Variants in APP observed in about 807,000 individuals in gnomAD.
APP encodes amyloid-beta precursor protein.
APP carries 31 observed loss-of-function variants against 101.4 expected under a neutral mutation model. The observed-to-expected ratio is 0.31, with a 90% CI of 0.23 to 0.41. The LOEUF (loss-of-function observed/expected upper bound fraction) is 0.41. Ranked by LOEUF, APP falls within the 10% of genes least tolerant of loss-of-function variation. APP has a pLI of 1.00. For synonymous variants in APP, 366 were observed against 364.4 expected (o/e 1.00, Z -0.05); for missense variants, 839 against 1,003.7 (o/e 0.84, Z 2.22).
chr21:26,061,218 G>A (rs1252726741), intron 3 of APP, among the ~76,000 whole-genome samples: 1 of 152,174 alleles, frequency 6.6e-6, no homozygotes, highest in Non-Finnish European at 1.5e-5. Context: ...CCAACAGCTA[G>A]AAGATGCTTT....
chr21:26,062,647 G>C (rs958204722), intron 3 of APP, among the ~76,000 whole-genome samples: 1 of 115,370 alleles, frequency 8.7e-6, no homozygotes, highest in African/African-American at 3.4e-5. Context: ...GGGTGACAGA[G>C]GGAGACTCTG....
chr21:26,131,054 A>G (rs1183067567), intron 1 of APP, among the ~76,000 whole-genome samples: 1 of 151,822 alleles, frequency 6.6e-6, no homozygotes, highest in South Asian at 2.1e-4. Flanking sequence ...ACATGGAGAA[A>G]CCCCTTCTCT....
At chr21:25,910,248 C>A (rs540943336) in intron 14 of APP, among the ~76,000 whole-genome samples, 2 of 151,972 alleles carry the variant, frequency 1.3e-5, no homozygotes, top group Non-Finnish European at 2.9e-5. Context: ...CTGCCTCAGC[C>A]TCCCGAGTAG....
intron 2 of APP, among the ~76,000 whole-genome samples, chr21:26,099,382 G>A (rs918465162): frequency 1.3e-5 from 2 of 152,132 alleles, no homozygotes; most frequent in Non-Finnish European, 2.9e-5. Flanking sequence ...ATAACTGAGG[G>A]TTTCCTAAGT....
intron 9 of APP, among the ~76,000 whole-genome samples, chr21:25,980,095 C>T (rs1241538499): frequency 6.6e-6 from 1 of 152,054 alleles, no homozygotes; most frequent in Non-Finnish European, 1.5e-5. Flanking sequence ...CAAAGGGAAG[C>T]CCAAGATGAG....
At chr21:26,015,784 A>AGG (rs2044028158) in intron 6 of APP, among the ~76,000 whole-genome samples, 1 of 19,456 alleles carries the variant, frequency 5.1e-5, no homozygotes, top group Admixed American at 7.5e-4. Flanking sequence ...AGTGAGAATC[A>AGG]GGGGTTAGCA....
At chr21:26,084,866 TA>T (rs2061672537) in intron 3 of APP, among the ~76,000 whole-genome samples, 1 of 152,220 alleles carries the variant, frequency 6.6e-6, no homozygotes, top group Admixed American at 6.5e-5. Context: ...ATAAAGCTCA[TA>T]AAGTACAACT....
chr21:26,127,722 C>T (rs180920898), intron 1 of APP, among the ~76,000 whole-genome samples: 44 of 152,272 alleles, frequency 2.9e-4, no homozygotes, highest in African/African-American at 8.4e-4. Flanking sequence ...GTTAACTTTA[C>T]CTCTTGATTT....
intron 1 of APP, among the ~76,000 whole-genome samples, chr21:26,133,935 TG>T (rs1279865805): frequency 6.6e-6 from 1 of 152,216 alleles, no homozygotes; most frequent in East Asian, 1.9e-4. Flanking sequence ...GAACTTAACT[TG>T]GTTGTGACTT....
chr21:25,994,737 GGCTT>G (rs1323993839), intron 8 of APP, among the ~76,000 whole-genome samples: 1 of 152,204 alleles, frequency 6.6e-6, no homozygotes, highest in Non-Finnish European at 1.5e-5. Context: ...CAGTCTAACA[GGCTT>G]GCTTACCTTC....
At chr21:26,092,745 T>C (rs948399843) in intron 2 of APP, among the ~76,000 whole-genome samples, 2 of 152,206 alleles carry the variant, frequency 1.3e-5, no homozygotes, top group African/African-American at 4.8e-5. Context: ...CTGTGGGGGA[T>C]GTTTATAATA....
At chr21:25,912,294 CAGTT>C (rs767228073) in intron 13 of APP, among the ~76,000 whole-genome samples, 13 of 152,278 alleles carry the variant, frequency 8.5e-5, no homozygotes, top group Non-Finnish European at 1.3e-4. Context: ...CCTCCTGACA[CAGTT>C]AGACGTCCCT....
chr21:25,896,675 T>G (rs999919633), intron 16 of APP, among the ~76,000 whole-genome samples: 4 of 152,210 alleles, frequency 2.6e-5, no homozygotes, highest in African/African-American at 4.8e-5. Context: ...AAAGGAGATG[T>G]GGCTTTTTGA....
chr21:26,127,352 A>C (rs939820977), intron 1 of APP, among the ~76,000 whole-genome samples: 1 of 152,222 alleles, frequency 6.6e-6, no homozygotes, highest in Non-Finnish European at 1.5e-5. Context: ...TTTCATAATG[A>C]ACAACTTAGA....
intron 1 of APP, among the ~76,000 whole-genome samples, chr21:26,163,349 A>T (rs1456759513): frequency 6.6e-6 from 1 of 152,170 alleles, no homozygotes; most frequent in Non-Finnish European, 1.5e-5. Flanking sequence ...TTGTGAAGAA[A>T]AAAAGGAACC....
intron 5 of APP, among the ~76,000 whole-genome samples, chr21:26,043,434 T>C (rs1401954643): frequency 6.6e-6 from 1 of 151,990 alleles, no homozygotes; most frequent in African/African-American, 2.4e-5. Context: ...TTTTTCCATG[T>C]TGGCCAGGCT....
Position 26,000,168 on chromosome 21 carries a change from G to C in APP, c.880C>G (p.Gln294Glu). The change falls in exon 7 of 18, where the codon CAA becomes GAA. Residue 294 changes from glutamine to glutamate, a missense_variant. Transcript: ENST00000346798. ...GCTCGGCACGGCCCCGTCTCGGCTT[G>C]TTCAGAGCACACCTCTAATCAGAGG... ...EEVVREVCSE[Q>E]AETGPCRAMI... is the part of the protein sequence containing the mutation. 6.2e-7 allele frequency: 1 copy of C among 1,614,168 alleles called. No homozygotes were observed. The highest frequency in any genetic ancestry group is 8.5e-7 in the Non-Finnish European group (1 of 1,180,024).
intron 17 of APP, among the ~76,000 whole-genome samples, chr21:25,886,653 C>T (rs1269992870): frequency 6.6e-6 from 1 of 152,138 alleles, no homozygotes; most frequent in African/African-American, 2.4e-5. Flanking sequence ...CCTTGGCCTC[C>T]CCAAATGCTG....
chr21:26,020,525 T>C (rs1462320704), intron 6 of APP, among the ~76,000 whole-genome samples: 4 of 152,206 alleles, frequency 2.6e-5, no homozygotes, highest in Admixed American at 1.3e-4. Flanking sequence ...AAATAGCCCA[T>C]GTTAAGCTCT....
Sources: allele counts gnomAD v4.1 joint callset (sites outside exome capture counted in the v4.1 genomes callset), GRCh38; gene constraint gnomAD v4.1.1; transcripts MANE v1.5; gene names NCBI Gene and HGNC (gene_info 2026-07-23, HGNC 2026-07-21).